ACAP2: variants seen among roughly 807,000 people sequenced by gnomAD.
ACAP2 encodes the protein arf-GAP with coiled-coil, ANK repeat and PH domain-containing protein 2.
ACAP2 carries 39 observed loss-of-function variants against 115.8 expected under a neutral mutation model. That is an observed-to-expected ratio of 0.34 (90% confidence interval 0.26 to 0.44). The LOEUF (loss-of-function observed/expected upper bound fraction) is 0.44. Among genes scored for constraint, ACAP2 ranks in the 20% least tolerant of loss-of-function variants. The probability of loss-of-function intolerance (pLI) is 1.00; values close to 1 mark genes in which losing one functional copy is unlikely to be tolerated. For missense variants in ACAP2, 662 were observed against 927.6 expected (o/e 0.71, Z 3.72); for synonymous variants, 289 against 315.8 (o/e 0.92, Z 0.90).
intron 10 of ACAP2, among the ~76,000 whole-genome samples, chr3:195,316,078 GTTAAAC>G (rs552690565): frequency 2.0e-4 from 30 of 151,968 alleles, no homozygotes; most frequent in Non-Finnish European, 3.5e-4. Flanking sequence ...TTTTCACTTT[GTTAAAC>G]TTTAAGTAGG....
At chr3:195,392,849 C>T (rs1348996119) in intron 1 of ACAP2, among the ~76,000 whole-genome samples, 1 of 152,138 alleles carries the variant, frequency 6.6e-6, no homozygotes, top group Non-Finnish European at 1.5e-5. Flanking sequence ...GGGATGAAAA[C>T]ATTTTACACT....
At chr3:195,385,141 C>T (rs1217699099) in intron 2 of ACAP2, among the ~76,000 whole-genome samples, 2 of 151,300 alleles carry the variant, frequency 1.3e-5, no homozygotes, top group East Asian at 2.0e-4. Context: ...TTAGCACAGG[C>T]GTGGCTCATG....
rs1311661102 is a variant in ACAP2, at chr3:195,301,966, C to T, written c.1325G>A (p.Arg442Gln). 1.9e-6 allele frequency: 3 copies of T among 1,612,082 alleles called. No homozygotes were observed. The highest frequency in any genetic ancestry group is 1.1e-5 in the South Asian group (1 of 90,886). Residue 442 changes from arginine (R) to glutamine (Q), a missense_variant and splice_region_variant, in exon 14 of 23, where the codon CGG becomes CAG. This residue lies in a region of ACAP2 where 401 missense variants were observed against 604.4 expected (regional missense o/e 0.66). Transcript: ENST00000326793. ...TCTCATCCTGGGCAGGCCTACCCAC[C>T]GGTGAATTCCGGAGCACTCGATACA... The part of the protein sequence containing the change: ...TLCIECSGIH[R>Q]SLGVHFSKVR...
intron 1 of ACAP2, among the ~76,000 whole-genome samples, chr3:195,439,269 AC>A (rs1458819255): frequency 6.8e-6 from 1 of 148,136 alleles, no homozygotes; most frequent in African/African-American, 2.5e-5. Flanking sequence ...TGTGAACATA[AC>A]TCACTGCAGC....
At chr3:195,332,421 C>T (rs1185627844) in intron 8 of ACAP2, among the ~76,000 whole-genome samples, 1 of 152,192 alleles carries the variant, frequency 6.6e-6, no homozygotes, top group Non-Finnish European at 1.5e-5. Context: ...AATACCTTCA[C>T]ATGCAAACTA....
chr3:195,410,348 C>T (rs1713156250), intron 1 of ACAP2, among the ~76,000 whole-genome samples: 1 of 152,154 alleles, frequency 6.6e-6, no homozygotes, highest in Non-Finnish European at 1.5e-5. Context: ...AGCTTTATGA[C>T]ACTGAATTTG....
In ACAP2 at chr3:195,292,365, T is replaced by C. The variant is rs112375796; in HGVS notation, c.1853A>G (p.Asn618Ser). Residue 618 changes from asparagine (N) to serine (S), a missense_variant, in exon 19 of 23, where the codon AAC becomes AGC. Asn to Ser is a conservative substitution (Grantham distance 46). Around this residue, in one of 3 missense-constraint regions of ACAP2, gnomAD observed 133 missense variants for 123.1 expected, o/e 1.08. Coordinates refer to ENST00000326793, the MANE Select transcript of ACAP2 (RefSeq NM_012287.6). ...CAAAGCCTCAGCCATTTTAGGAAGG[T>C]TTTTTTCATATGACGCCCTATAAAG... ...LQLYRASYEK[N>S]LPKMAEALAH... is the part of the protein sequence containing the mutation. 13,741 of 1,613,994 alleles carry C rather than the reference T, an allele frequency of 8.5e-3. 82 individuals carry two copies. The highest frequency in any genetic ancestry group is 0.011 in the Non-Finnish European group (12,459 of 1,179,972).
intron 18 of ACAP2, 87 bp downstream of exon 18, chr3:195,294,628 TATAA>T: frequency 1.4e-5 from 3 of 210,070 alleles, no homozygotes; most frequent in Non-Finnish European, 9.3e-6. Flanking sequence ...TATATATATA[TATAA>T]TTTTTTTTTT....
intron 4 of ACAP2, among the ~76,000 whole-genome samples, chr3:195,372,035 G>A (rs1733185165): frequency 6.6e-6 from 1 of 152,086 alleles, no homozygotes; most frequent in Admixed American, 6.6e-5. Context: ...CATTCATACA[G>A]GAAGATTTGC....
intron 4 of ACAP2, among the ~76,000 whole-genome samples, chr3:195,372,232 T>C (rs1437918168): frequency 6.6e-6 from 1 of 152,162 alleles, no homozygotes; most frequent in East Asian, 1.9e-4. Context: ...CTTTGTTAAT[T>C]TCCAAAGCAG....
intron 4 of ACAP2, among the ~76,000 whole-genome samples, chr3:195,355,781 A>T (rs1731923454): frequency 6.6e-6 from 1 of 152,192 alleles, no homozygotes; most frequent in Non-Finnish European, 1.5e-5. Context: ...AACCATAGAG[A>T]GCATTATCCC....
At chr3:195,322,522 G>A (rs1291061197) in intron 9 of ACAP2, among the ~76,000 whole-genome samples, 1 of 152,038 alleles carries the variant, frequency 6.6e-6, no homozygotes, top group East Asian at 1.9e-4. Context: ...ACCACGAAAA[G>A]ACCTGATAAT....
intron 6 of ACAP2, among the ~76,000 whole-genome samples, chr3:195,339,163 G>A (rs1251754485): frequency 6.6e-6 from 1 of 152,058 alleles, no homozygotes; most frequent in Non-Finnish European, 1.5e-5. Context: ...CCCTGGAGGC[G>A]GAGGTTGCAG....
chr3:195,281,876 AT>A, intron 22 of ACAP2, among the ~76,000 whole-genome samples: 1 of 152,252 alleles, frequency 6.6e-6, no homozygotes, highest in Non-Finnish European at 1.5e-5. Context: ...CATTATAAAT[AT>A]TTTTAAAAGA....
chr3:195,289,771 A>G (rs1727116812), intron 20 of ACAP2, among the ~76,000 whole-genome samples: 1 of 145,054 alleles, frequency 6.9e-6, no homozygotes, highest in Non-Finnish European at 1.5e-5. Flanking sequence ...ACACCACTGC[A>G]CTCCAGCCTG....
At chr3:195,309,754 CAA>C (rs1728641086) in intron 10 of ACAP2, among the ~76,000 whole-genome samples, 1 of 152,102 alleles carries the variant, frequency 6.6e-6, no homozygotes, top group African/African-American at 2.4e-5. Context: ...GTAAAATAAT[CAA>C]AGTTATTACT....
chr3:195,425,019 T>G (rs1447979135), intron 1 of ACAP2, among the ~76,000 whole-genome samples: 1 of 75,894 alleles, frequency 1.3e-5, no homozygotes, highest in Non-Finnish European at 2.3e-5. Context: ...AGAGCGAGAC[T>G]CCGTCTCAAA....
Position 195,285,810 on chromosome 3 carries a change from A to G in ACAP2, c.2222T>C (p.Leu741Pro), listed in dbSNP as rs1356269294. 5 of 1,612,236 alleles carry G rather than the reference A, an allele frequency of 3.1e-6. No homozygotes were observed. Among genetic ancestry groups the G allele is most frequent in the Admixed American group, 3.3e-5 (2 of 59,886 alleles). Residue 741 changes from leucine to proline, a missense_variant, in exon 22 of 23, where the codon CTT becomes CCT. This residue lies in a region of ACAP2 where 128 missense variants were observed against 200.2 expected (regional missense o/e 0.64). Coordinates refer to ENST00000326793, the MANE Select transcript of ACAP2 (RefSeq NM_012287.6). The part of the protein sequence containing the change: ...MNEEMRESEG[L>P]YGQPGDETYQ... The stretch of plus-strand genomic sequence containing the variant: ...AGAATATTGACCTGGCTGTCCATAA[A>G]GTCCTTCTGATTCCCGCATCTCTTC...
At chr3:195,415,787 C>A (rs1264848962) in intron 1 of ACAP2, among the ~76,000 whole-genome samples, 4 of 151,328 alleles carry the variant, frequency 2.6e-5, no homozygotes, top group Admixed American at 6.6e-5. Context: ...AATATATATG[C>A]AAAATGATAA....
Sources: gnomAD v4.1 joint callset for allele counts (sites outside exome capture counted in the v4.1 genomes callset) on GRCh38, gnomAD v4.1.1 for gene constraint, gnomAD v4.1.1 regional missense constraint, MANE v1.5 for transcripts, NCBI Gene and HGNC (gene_info 2026-07-23, HGNC 2026-07-21) for gene names.